The following RMST variants were observed in gnomAD, a reference collection of about 807,000 sequenced individuals.
The protein encoded by RMST is rhabdomyosarcoma 2 associated transcript.
At chr12:97,468,466 C>T (rs1300680727) in intron 5 of RMST, among the ~76,000 whole-genome samples, 8 of 152,026 alleles carry the variant, frequency 5.3e-5, no homozygotes, top group South Asian at 2.1e-4. Flanking sequence ...ACTAATATCT[C>T]TAAGCTGTTC....
chr12:97,482,821 T>TTTATTTATTAAATAAATTTATA (rs1875579767), intron 5 of RMST, among the ~76,000 whole-genome samples: 1 of 146,616 alleles, frequency 6.8e-6, no homozygotes, highest in Non-Finnish European at 1.5e-5. Flanking sequence ...ATTTATATTA[T>TTTATTTATTAAATAAATTTATA]TTATTTATTA....
intron 5 of RMST, among the ~76,000 whole-genome samples, chr12:97,482,480 G>A (rs942804130): frequency 6.6e-6 from 1 of 151,468 alleles, no homozygotes; most frequent in Non-Finnish European, 1.5e-5. Flanking sequence ...TTTGATTTTC[G>A]ACATCATGGA....
At chr12:97,501,932 C>A (rs969684784) in intron 10 of RMST, among the ~76,000 whole-genome samples, 6 of 152,132 alleles carry the variant, frequency 3.9e-5, no homozygotes, top group African/African-American at 1.4e-4. Context: ...GGCCCACCCT[C>A]TCAAAGCACA....
intron 13 of RMST, among the ~76,000 whole-genome samples, chr12:97,561,301 T>C (rs1884083912): frequency 6.6e-6 from 1 of 152,156 alleles, no homozygotes; most frequent in Admixed American, 6.5e-5. Context: ...CTGTATGCAT[T>C]TGTGTGTATT....
At chr12:97,541,796 T>A (rs1215997379) in intron 11 of RMST, among the ~76,000 whole-genome samples, 1 of 151,320 alleles carries the variant, frequency 6.6e-6, no homozygotes, top group Non-Finnish European at 1.5e-5. Context: ...AAACAGAAAA[T>A]GACCCAAGGA....
chr12:97,480,089 C>CTTTTTTTTTTT (rs369247317), intron 5 of RMST, among the ~76,000 whole-genome samples: 2 of 90,966 alleles, frequency 2.2e-5, no homozygotes, highest in African/African-American at 7.6e-5. Context: ...TTTCTTTTTT[C>CTTTTTTTTTTT]TTTTTTTTTC....
At chr12:97,487,112 C>G (rs1326578313) in intron 5 of RMST, among the ~76,000 whole-genome samples, 1 of 152,124 alleles carries the variant, frequency 6.6e-6, no homozygotes, top group Non-Finnish European at 1.5e-5. Flanking sequence ...TCCAGTTTCA[C>G]CACAGAAAAG....
chr12:97,491,570 C>G (rs574889364), intron 5 of RMST: 1 of 184,018 alleles, frequency 5.4e-6, no homozygotes, highest in African/African-American at 2.3e-5. Context: ...ATAAGATTAG[C>G]ATTGCGAGCT....
intron 11 of RMST, among the ~76,000 whole-genome samples, chr12:97,546,880 C>T (rs1379120711): frequency 6.6e-6 from 1 of 151,942 alleles, no homozygotes; most frequent in Non-Finnish European, 1.5e-5. Flanking sequence ...CCATATTGTA[C>T]AGTAGGTCTC....
intron 10 of RMST, among the ~76,000 whole-genome samples, chr12:97,511,924 G>C (rs190460419): frequency 6.6e-6 from 1 of 152,160 alleles, no homozygotes; most frequent in East Asian, 1.9e-4. Context: ...AAATCAACAA[G>C]ACAATATTCA....
At chr12:97,483,162 C>T (rs1378056509) in intron 5 of RMST, among the ~76,000 whole-genome samples, 1 of 152,032 alleles carries the variant, frequency 6.6e-6, no homozygotes, top group Non-Finnish European at 1.5e-5. Context: ...TCAAAGGTTC[C>T]CATATTAGTT....
At chr12:97,471,598 T>C (rs1473211106) in intron 5 of RMST, among the ~76,000 whole-genome samples, 2 of 151,336 alleles carry the variant, frequency 1.3e-5, no homozygotes, top group East Asian at 3.9e-4. Flanking sequence ...GAGGATGAGC[T>C]GGGCTCCCCT....
intron 11 of RMST, chr12:97,533,077 G>A (rs1430289908): frequency 2.0e-5 from 3 of 151,798 alleles, no homozygotes; most frequent in Non-Finnish European, 4.4e-5. Context: ...TCTCGCAAAA[G>A]CATTCTGGTG....
At chr12:97,544,826 G>A (rs1027923803) in intron 11 of RMST, among the ~76,000 whole-genome samples, 2 of 151,956 alleles carry the variant, frequency 1.3e-5, no homozygotes, top group Admixed American at 6.6e-5. Flanking sequence ...ATATAATCCT[G>A]TTGATTCCTG....
chr12:97,488,167 TGAG>T (rs531115474), intron 5 of RMST, among the ~76,000 whole-genome samples: 24 of 152,262 alleles, frequency 1.6e-4, no homozygotes, highest in Non-Finnish European at 2.8e-4. Context: ...GTGGATCACC[TGAG>T]GTCAGGAGTT....
chr12:97,502,620 C>G (rs1275792187), intron 10 of RMST, among the ~76,000 whole-genome samples: 1 of 151,918 alleles, frequency 6.6e-6, no homozygotes, highest in Non-Finnish European at 1.5e-5. Context: ...GCCACCATGC[C>G]TGCCTAATTT....
chr12:97,532,828 A>C (rs942924818), intron 11 of RMST: 21 of 151,686 alleles, frequency 1.4e-4, no homozygotes, highest in Admixed American at 1.2e-3. Flanking sequence ...GAATATAATA[A>C]ATGTCCTGCA....
chr12:97,525,926 A>T (rs1881048970), intron 10 of RMST, among the ~76,000 whole-genome samples: 1 of 152,024 alleles, frequency 6.6e-6, no homozygotes, highest in Non-Finnish European at 1.5e-5. Context: ...TTCTCATAGC[A>T]GTGCGAACCC....
At chr12:97,540,311 T>A (rs1279801840) in intron 11 of RMST, among the ~76,000 whole-genome samples, 1 of 151,732 alleles carries the variant, frequency 6.6e-6, no homozygotes, top group Admixed American at 6.6e-5. Context: ...TATTTCACGA[T>A]CAGTGTGTTA....
Sources: gnomAD v4.1 joint callset for allele counts (sites outside exome capture counted in the v4.1 genomes callset) on GRCh38, gnomAD v4.1.1 for gene constraint, MANE v1.5 for transcripts, NCBI Gene and HGNC (gene_info 2026-07-23, HGNC 2026-07-21) for gene names.